Variants in FOCAD observed in about 807,000 individuals in gnomAD.
FOCAD encodes KIAA1797.
FOCAD carries 198 observed loss-of-function variants against 225.6 expected under a neutral mutation model. The observed-to-expected ratio is 0.88, with a 90% CI of 0.78 to 0.99. The LOEUF is 0.99. Ranked by LOEUF, FOCAD falls within the 50% of genes least tolerant of loss-of-function variation. The pLI is 0.00. For synonymous variants in FOCAD, 897 were observed against 755.0 expected, an observed-to-expected ratio of 1.19 and a Z score of -3.08; for missense variants, 2,713 against 2,123.6, an observed-to-expected ratio of 1.28 and a Z score of -5.46.
chr9:20,975,974 C>T (rs1005462443), intron 35 of FOCAD, among the ~76,000 whole-genome samples: 7 of 152,202 alleles, frequency 4.6e-5, no homozygotes, highest in East Asian at 3.9e-4. Flanking sequence ...AGTTCAAATA[C>T]GGGGAATAAG....
chr9:20,661,017 A>G (rs1281060740), intron 2 of FOCAD, among the ~76,000 whole-genome samples: 1 of 152,194 alleles, frequency 6.6e-6, no homozygotes, highest in African/African-American at 2.4e-5. Context: ...GGGAGGTTTA[A>G]GACAGAGAGG....
chr9:20,937,342 C>G (rs1440523330), intron 28 of FOCAD, among the ~76,000 whole-genome samples: 1 of 151,674 alleles, frequency 6.6e-6, no homozygotes, highest in East Asian at 1.9e-4. Flanking sequence ...TACAAGGCTA[C>G]AGTAACCAAA....
At chr9:20,787,483 A>G (rs1299868077) in intron 10 of FOCAD, among the ~76,000 whole-genome samples, 1 of 152,174 alleles carries the variant, frequency 6.6e-6, no homozygotes, top group African/African-American at 2.4e-5. Flanking sequence ...GGTGTTTGTC[A>G]TTAGTCTAAA....
chr9:20,800,663 G>A (rs931520264), intron 11 of FOCAD, among the ~76,000 whole-genome samples: 3 of 152,074 alleles, frequency 2.0e-5, no homozygotes, highest in South Asian at 2.1e-4. Context: ...TTGTGCATTC[G>A]TCAAATAGTT....
chr9:20,716,143 G>A (rs372174754), intron 2 of FOCAD: 20 of 484,872 alleles, frequency 4.1e-5, no homozygotes, highest in African/African-American at 2.3e-4. Context: ...TCCATGAGGA[G>A]TAGAACACTC....
intron 2 of FOCAD, among the ~76,000 whole-genome samples, chr9:20,669,540 C>T (rs1271393546): frequency 4.6e-5 from 7 of 152,210 alleles, no homozygotes; most frequent in East Asian, 1.9e-4. Context: ...TTTGGGAGGC[C>T]GAGGCGGGCA....
chr9:20,720,544 C>A lies in FOCAD; in HGVS notation c.287+10C>A. On this transcript the variant is annotated intron_variant, in intron 4 of 43. Coordinates refer to ENST00000338382, the MANE Select transcript of FOCAD (RefSeq NM_001375567.1). The stretch of plus-strand genomic sequence containing the variant: ...TGATTCCATCAACCAGGTACTTTTT[C>A]CTCAGTGTTTGGTCAGTTAATGATT... The A allele has an allele frequency of 6.2e-7, 1 of 1,613,046 alleles. No individual in the cohort carries two copies. Among genetic ancestry groups the A allele is most frequent in the Non-Finnish European group, 8.5e-7 (1 of 1,179,584 alleles).
chr9:20,670,826 A>G (rs1451683651), intron 2 of FOCAD, among the ~76,000 whole-genome samples: 2 of 152,214 alleles, frequency 1.3e-5, no homozygotes, highest in African/African-American at 4.8e-5. Context: ...TCCAAAGTCT[A>G]AGATCTTAAC....
At position 20,696,802 on chromosome 9, in the gene FOCAD, TATAATA is replaced by T. The variant is rs550289375; in HGVS notation, c.-33+12530_-33+12535del. Among the ~76,000 whole-genome samples, 288 of 150,958 alleles carry T rather than the reference TATAATA, an allele frequency of 1.9e-3. 1 individual carries two copies. The highest frequency in any genetic ancestry group is 6.6e-3 in the African/African-American group (271 of 41,206). On this transcript the variant is annotated intron_variant, in intron 1 of 43. Transcript: ENST00000338382. Reference sequence around the variant, plus strand: ...CCTGGGTGACAGCAAGACTCTATCTTATAATAATAATAATAATAATAATAATTAATT... The same window carrying T: ...CCTGGGTGACAGCAAGACTCTATCTTATAATAATAATAATAATAATTAATT...
chr9:20,774,220 T>G (rs1818528868), intron 8 of FOCAD, among the ~76,000 whole-genome samples: 1 of 152,186 alleles, frequency 6.6e-6, no homozygotes, highest in Non-Finnish European at 1.5e-5. Flanking sequence ...CACTGCTTTA[T>G]GTGTTTCTCT....
At chr9:20,693,116 G>T (rs1341749663) in intron 1 of FOCAD, among the ~76,000 whole-genome samples, 2 of 152,112 alleles carry the variant, frequency 1.3e-5, no homozygotes, top group Non-Finnish European at 2.9e-5. Context: ...GTCCTGTGAG[G>T]CTTGCCATGA....
At chr9:20,965,573 A>G (rs1199766449) in intron 35 of FOCAD, among the ~76,000 whole-genome samples, 1 of 152,116 alleles carries the variant, frequency 6.6e-6, no homozygotes, top group Non-Finnish European at 1.5e-5. Flanking sequence ...TAACCATTTG[A>G]AAGTTTTCTG....
At chr9:20,669,524 C>A (rs974482455) in intron 2 of FOCAD, among the ~76,000 whole-genome samples, 3 of 152,150 alleles carry the variant, frequency 2.0e-5, no homozygotes. Context: ...CTTGTAATCC[C>A]AGCAGTTTGG....
intron 19 of FOCAD, among the ~76,000 whole-genome samples, chr9:20,880,182 T>C (rs982393342): frequency 1.1e-4 from 16 of 152,082 alleles, no homozygotes; most frequent in African/African-American, 3.6e-4. Flanking sequence ...GATTGAGTAA[T>C]TGGAGAGAGT....
chr9:20,917,986 T>C (rs2132095360), intron 24 of FOCAD, among the ~76,000 whole-genome samples: 1 of 152,322 alleles, frequency 6.6e-6, no homozygotes, highest in Admixed American at 6.5e-5. Context: ...TATCTGTTGA[T>C]AAAATGAAAA....
intron 2 of FOCAD, among the ~76,000 whole-genome samples, chr9:20,678,565 T>C (rs979018544): frequency 6.6e-6 from 1 of 152,320 alleles, no homozygotes; most frequent in South Asian, 2.1e-4. Context: ...GTGTCAGATA[T>C]TCTCTTTTTG....
At chr9:20,909,041 C>T (rs1009396618) in intron 22 of FOCAD, among the ~76,000 whole-genome samples, 17 of 151,950 alleles carry the variant, frequency 1.1e-4, no homozygotes, top group African/African-American at 4.1e-4. Context: ...AGCTCCTCCT[C>T]CTGCAGAATG....
intron 35 of FOCAD, among the ~76,000 whole-genome samples, chr9:20,961,951 A>G (rs1487744479): frequency 6.6e-6 from 1 of 152,224 alleles, no homozygotes. Context: ...ATGTATCAGA[A>G]TCATCAATTT....
chr9:20,773,217 A>G (rs1169275425), intron 8 of FOCAD, among the ~76,000 whole-genome samples: 1 of 152,146 alleles, frequency 6.6e-6, no homozygotes, highest in Non-Finnish European at 1.5e-5. Context: ...CACCTTTAGC[A>G]TATATTTATT....
Sources: allele counts gnomAD v4.1 joint callset (sites outside exome capture counted in the v4.1 genomes callset), GRCh38; gene constraint gnomAD v4.1.1; transcripts MANE v1.5; gene names NCBI Gene and HGNC (gene_info 2026-07-23, HGNC 2026-07-21).